The following PDE4D variants were observed in gnomAD, a reference collection of about 807,000 sequenced individuals.
PDE4D encodes phosphodiesterase 4D, also known as 3',5'-cyclic-AMP phosphodiesterase 4D.
In PDE4D, 24 loss-of-function variants were observed where a neutral mutation model predicts 87.4. That is an observed-to-expected ratio of 0.27 (90% CI 0.20 to 0.39). PDE4D has a LOEUF of 0.39. PDE4D is among the 10% of genes least tolerant of loss of function. The pLI, the probability that PDE4D is intolerant of heterozygous loss-of-function variation, is 1.00. For missense variants in PDE4D, 714 were observed against 1,041.0 expected, an observed-to-expected ratio of 0.69 and a Z score of 4.32; for synonymous variants, 384 against 383.2, an observed-to-expected ratio of 1.00 and a Z score of -0.02.
At chr5:59,866,256 G>T (rs1747022151) in intron 1 of PDE4D, among the ~76,000 whole-genome samples, 1 of 151,974 alleles carries the variant, frequency 6.6e-6, no homozygotes, top group Non-Finnish European at 1.5e-5. Flanking sequence ...TTATTATCTG[G>T]ATTCTCTCTC....
chr5:60,290,075 A>G (rs928937816), intron 1 of PDE4D, among the ~76,000 whole-genome samples: 7 of 152,224 alleles, frequency 4.6e-5, no homozygotes, highest in Admixed American at 2.6e-4. Context: ...TCATATGTGT[A>G]AGTAGGAATA....
intron 1 of PDE4D, among the ~76,000 whole-genome samples, chr5:59,347,062 C>T (rs577178870): frequency 9.7e-4 from 148 of 152,240 alleles, no homozygotes; most frequent in South Asian, 2.9e-3. Flanking sequence ...AATGTACTAA[C>T]GTCATCAAAT....
intron 5 of PDE4D, among the ~76,000 whole-genome samples, chr5:59,179,303 T>C (rs1740921628): frequency 6.6e-6 from 1 of 152,122 alleles, no homozygotes; most frequent in Admixed American, 6.5e-5. Flanking sequence ...GGTTTCGCCA[T>C]GTTGGCCAGG....
chr5:60,270,084 C>T (rs776060022), intron 1 of PDE4D, among the ~76,000 whole-genome samples: 4 of 152,138 alleles, frequency 2.6e-5, no homozygotes, highest in Admixed American at 6.5e-5. Flanking sequence ...ACAGAAGAAT[C>T]AAAGAGTCAG....
intron 1 of PDE4D, among the ~76,000 whole-genome samples, chr5:59,479,229 T>C (rs1214844636): frequency 6.6e-6 from 1 of 151,884 alleles, no homozygotes; most frequent in African/African-American, 2.4e-5. Context: ...TGGCCTAGAG[T>C]TTCCAGGACT....
At chr5:60,156,727 T>C (rs756868079) in intron 2 of PDE4D, among the ~76,000 whole-genome samples, 2 of 152,178 alleles carry the variant, frequency 1.3e-5, no homozygotes, top group Non-Finnish European at 2.9e-5. Context: ...GCACAATTTC[T>C]ACCATTTTTT....
chr5:60,061,543 A>G (rs1209364813), intron 2 of PDE4D, among the ~76,000 whole-genome samples: 1 of 152,122 alleles, frequency 6.6e-6, no homozygotes, highest in Non-Finnish European at 1.5e-5. Context: ...TTCTCATCAA[A>G]CTACCATTGA....
chr5:59,893,897 CG>C, upstream of PDE4D: 5 of 1,037,970 alleles, frequency 4.8e-6, no homozygotes, highest in Non-Finnish European at 6.2e-6. Flanking sequence ...GACTAGGGTG[CG>C]CGGTGCCCGG....
chr5:60,044,323 G>A (rs1249012420), intron 2 of PDE4D, among the ~76,000 whole-genome samples: 1 of 151,620 alleles, frequency 6.6e-6, no homozygotes, highest in East Asian at 1.9e-4. Flanking sequence ...AAAAGATCCT[G>A]TTTCTTAACA....
chr5:60,293,254 G>A (rs998692870), intron 1 of PDE4D, among the ~76,000 whole-genome samples: 2 of 151,888 alleles, frequency 1.3e-5, no homozygotes, highest in Non-Finnish European at 1.5e-5. Context: ...TAACGCGGCC[G>A]GGCACTCATG....
At chr5:59,381,901 CAAT>C (rs1785946068) in intron 1 of PDE4D, among the ~76,000 whole-genome samples, 1 of 151,880 alleles carries the variant, frequency 6.6e-6, no homozygotes, top group Non-Finnish European at 1.5e-5. Flanking sequence ...AAATTTTGCA[CAAT>C]AATAGGAGAA....
intron 1 of PDE4D, among the ~76,000 whole-genome samples, chr5:60,314,069 C>T (rs891465200): frequency 6.6e-6 from 1 of 151,928 alleles, no homozygotes; most frequent in African/African-American, 2.4e-5. Context: ...CTATTCAACA[C>T]AATACTCGAA....
chr5:59,707,278 A>G (rs1561513497), intron 1 of PDE4D, among the ~76,000 whole-genome samples: 2 of 152,158 alleles, frequency 1.3e-5, no homozygotes, highest in African/African-American at 2.4e-5. Flanking sequence ...TCGTGAATAA[A>G]TTCTTTAATG....
intron 1 of PDE4D, among the ~76,000 whole-genome samples, chr5:59,454,180 A>G (rs893460508): frequency 2.0e-5 from 3 of 152,186 alleles, no homozygotes; most frequent in Non-Finnish European, 4.4e-5. Flanking sequence ...TTAAAAATAT[A>G]TTACTGCTCA....
chr5:59,999,940 G>C (rs988915702), intron 2 of PDE4D, among the ~76,000 whole-genome samples: 2 of 151,810 alleles, frequency 1.3e-5, no homozygotes, highest in Non-Finnish European at 2.9e-5. Context: ...GAGTTGAAAA[G>C]TTCACTAGAG....
At chr5:60,325,263 A>C (rs4643905) in intron 1 of PDE4D, among the ~76,000 whole-genome samples, 13,415 of 152,226 alleles carry the variant, frequency 0.088, 1,953 homozygotes, top group African/African-American at 0.31. Context: ...ACAGAAGAAA[A>C]GCAATTATAG....
chr5:59,536,437 G>A (rs209983), intron 1 of PDE4D, among the ~76,000 whole-genome samples: 39,904 of 145,664 alleles, frequency 0.27, 5,810 homozygotes, highest in Middle Eastern at 0.34. Flanking sequence ...CCCGGGAGGC[G>A]GAGCTTGCAG....
intron 1 of PDE4D, among the ~76,000 whole-genome samples, chr5:59,506,683 A>T (rs1415421217): frequency 6.6e-6 from 1 of 152,230 alleles, no homozygotes. Context: ...CCAGAAAAAA[A>T]AATTAATGCA....
At chr5:60,049,625 G>T (rs544766392) in intron 2 of PDE4D, among the ~76,000 whole-genome samples, 1 of 152,196 alleles carries the variant, frequency 6.6e-6, no homozygotes, top group South Asian at 2.1e-4. Context: ...GTACCCAGCC[G>T]TGTGAGGTGT....
Sources: gnomAD v4.1 joint callset for allele counts (sites outside exome capture counted in the v4.1 genomes callset) on GRCh38, gnomAD v4.1.1 for gene constraint, MANE v1.5 for transcripts, NCBI Gene and HGNC (gene_info 2026-07-23, HGNC 2026-07-21) for gene names.